Variants in CLUH observed in about 807,000 individuals in gnomAD.
CLUH encodes clustered mitochondria protein homolog.
In CLUH, 77 loss-of-function variants were observed where a neutral mutation model predicts 139.3. That is an observed-to-expected ratio of 0.55 (90% CI 0.46 to 0.67). The LOEUF is 0.67. Ranked by LOEUF, CLUH falls within the 30% of genes least tolerant of loss-of-function variation. The pLI is 0.00. For synonymous variants in CLUH, 999 were observed against 801.6 expected, an observed-to-expected ratio of 1.25 and a Z score of -4.16; for missense variants, 1,876 against 1,875.8, an observed-to-expected ratio of 1.00 and a Z score of 0.00.
intron 4 of CLUH, 58 bp downstream of exon 4, chr17:2,701,853 GCCC>G (rs2070194228): frequency 3.1e-6 from 5 of 1,603,942 alleles, no homozygotes; most frequent in Non-Finnish European, 1.7e-6. Flanking sequence ...CCCTTCTCCA[GCCC>G]CCCACCTCCG....
In CLUH at chr17:2,692,231, G is replaced by A. The variant is rs567220133; in HGVS notation, c.3560+130C>T. On this transcript the variant is annotated intron_variant, in intron 22 of 25. Transcript: ENST00000651024. ...AGGGGAACAGCAAGTCCAGGGCTCA[G>A]GGAAGAGGGGGAGGTCGAGAGAAAT... 314 of 1,438,800 alleles carry A rather than the reference G, an allele frequency of 2.2e-4. 1 individual carries two copies. The East Asian group carries it at 7.2e-3, about 33-fold the overall frequency. The allele number at this position is 1,438,800 out of a possible 1,614,324, so 89.1% of individuals were successfully genotyped here. A position where few individuals can be genotyped will look rare whatever the true frequency, so the allele number is the denominator to read the frequency against.
Position 2,698,016 on chromosome 17 carries a change from A to G in CLUH, c.1841T>C (p.Phe614Ser). The part of the protein sequence containing the change: ...LLRTFPPDLN[F>S]LPVPGEELPE... ...CAGCTCCTCGCCAGGCACGGGCAGG[A>G]AGTTGAGGTCCGGGGGGAAGGTGCG... Residue 614 changes from phenylalanine to serine, a missense_variant, in exon 10 of 26, where the codon TTC becomes TCC. By Grantham distance (155) the Phe-to-Ser change is radical. This residue lies in a region of CLUH where 1,454 missense variants were observed against 1,384.4 expected (regional missense o/e 1.05). Transcript: ENST00000651024. The G allele has an allele frequency of 6.2e-7, 1 of 1,603,084 alleles. No homozygotes were observed.
intron 11 of CLUH, 69 bp from the exon 12 acceptor site, chr17:2,696,607 T>C: frequency 6.5e-7 from 1 of 1,531,542 alleles, no homozygotes; most frequent in South Asian, 1.2e-5. Flanking sequence ...GCGCCAAGCC[T>C]CGCCCCCTAG....
At chr17:2,694,603 G>T in intron 16 of CLUH, 39 bp from the exon 17 acceptor site, 1 of 1,519,954 alleles carries the variant, frequency 6.6e-7, no homozygotes, top group Non-Finnish European at 8.9e-7. Context: ...CCCAAGCACC[G>T]CCGGGCCCCC....
Position 2,694,246 on chromosome 17 carries a change from G to A in CLUH, c.2968C>T (p.Arg990Cys), listed in dbSNP as rs779000573. 2.5e-6 allele frequency: 4 copies of A among 1,606,412 alleles called. No homozygotes were observed. The highest frequency in any genetic ancestry group is 3.4e-5 in the Admixed American group (2 of 59,414). The change falls in exon 18 of 26, where the codon CGC (arginine) becomes TGC (cysteine). Residue 990 changes from arginine (R) to cysteine (C), a missense_variant. Coordinates refer to ENST00000651024, the MANE Select transcript of CLUH (RefSeq NM_001366661.1). Reference sequence around the variant, plus strand: ...TCCTCGGTGAACGCGGGCTTGTGGCGACTGTCGAAGCTGTACTCCTTCAGC... The same window carrying A: ...TCCTCGGTGAACGCGGGCTTGTGGCAACTGTCGAAGCTGTACTCCTTCAGC... ...VLLKEYSFDS[R>C]HKPAFTEEDV... is the part of the protein sequence containing the mutation.
At position 2,698,029 on chromosome 17, in the gene CLUH, G is replaced by T; in HGVS notation, c.1828C>A (p.Pro610Thr). The change falls in exon 10 of 26, where the codon CCG becomes ACG. Residue 610 changes from proline (P) to threonine (T), a missense_variant. This residue lies in a region of CLUH where 1,454 missense variants were observed against 1,384.4 expected (regional missense o/e 1.05). Transcript: ENST00000651024. ...GGCACGGGCAGGAAGTTGAGGTCCG[G>T]GGGGAAGGTGCGCAGCAGGTCGAGG... ...YILDLLRTFP[P>T]DLNFLPVPGE... 6.2e-7 allele frequency: 1 copy of T among 1,605,346 alleles called. No homozygotes were observed. The highest frequency in any genetic ancestry group is 2.2e-5 in the East Asian group (1 of 44,762).
chr17:2,697,369 A>T (rs1282643653), intron 10 of CLUH, among the ~76,000 whole-genome samples: 1 of 151,534 alleles, frequency 6.6e-6, no homozygotes, highest in Non-Finnish European at 1.5e-5. Flanking sequence ...ATTGCACTCC[A>T]GCCTAGGCGA....
chr17:2,695,701 C>T, intron 13 of CLUH, 175 bp from the exon 14 acceptor site: 2 of 856,242 alleles, frequency 2.3e-6, no homozygotes, highest in Non-Finnish European at 3.5e-6. Flanking sequence ...GGCCAAGAAC[C>T]AAGAGCCCGG....
chr17:2,692,913 G>T, intron 19 of CLUH, 53 bp from the exon 20 acceptor site: 1 of 1,502,690 alleles, frequency 6.7e-7, no homozygotes. Context: ...ACTGCACCCA[G>T]AGCCCGCCTG....
In CLUH at chr17:2,695,480, G is replaced by T. The variant is rs374759051; in HGVS notation, c.2438C>A (p.Thr813Lys). The T allele has an allele frequency of 6.2e-7, 1 of 1,609,798 alleles. No homozygotes were observed. ...CCGCTGGCGCATCACCTCTGCCAGC[G>T]TTGCCCCGTCCACGGGCAGGACCGC... ...EHAVLPVDGA[T>K]LAEVMRQRGI... The change falls in exon 14 of 26, where the codon ACG (threonine) becomes AAG (lysine). Residue 813 changes from threonine (T) to lysine (K), a missense_variant. Physicochemically the swap from Thr to Lys is moderately conservative, Grantham distance 78. This residue lies in a region of CLUH where 1,454 missense variants were observed against 1,384.4 expected (regional missense o/e 1.05). Transcript: ENST00000651024.
Position 2,707,116 on chromosome 17 carries a change from A to G in CLUH, c.101-2552T>C. On this transcript the variant is annotated intron_variant, in intron 1 of 25. Transcript: ENST00000651024. This position sits in a 1 kb window ranked among gnomAD's most constrained non-coding sequence, Gnocchi z 7.4. ...CGAAGGTCTCCCCACCCCTGGATGAAGGCTGAGCGATCTCCCCCGCAGGCA... is the reference window on the plus strand; with the variant it reads ...CGAAGGTCTCCCCACCCCTGGATGAGGGCTGAGCGATCTCCCCCGCAGGCA... The G allele has an allele frequency of 1.1e-6, 1 of 947,690 alleles. No individual in the cohort carries two copies. The highest frequency in any genetic ancestry group is 1.3e-6 in the Non-Finnish European group (1 of 795,558). The allele number at this position is 947,690 out of a possible 1,614,324, so 58.7% of individuals were successfully genotyped here.
At chr17:2,695,686 G>T in intron 13 of CLUH, 160 bp from the exon 14 acceptor site, 1 of 1,007,116 alleles carries the variant, frequency 9.9e-7, no homozygotes, top group South Asian at 1.7e-5. Flanking sequence ...TCTGGCAGGA[G>T]CGCAGGCCAA....
rs1458366415 is a variant in CLUH at position 2,696,139 on chromosome 17, C to G, written c.2391+20G>C. On this transcript the variant is annotated intron_variant, in intron 13 of 25. Coordinates refer to ENST00000651024, the MANE Select transcript of CLUH (RefSeq NM_001366661.1). ...CACCCTCCACACAAGCCCCACCCAG[C>G]CCCGCAGCCCCTCCCTCACCAAGCC... 6 of 1,541,528 alleles carry G rather than the reference C, an allele frequency of 3.9e-6. No individual in the cohort carries two copies. The Admixed American group carries it at 1.2e-4, about 30-fold the overall frequency.
intron 1 of CLUH, among the ~76,000 whole-genome samples, chr17:2,705,723 G>T (rs2070331144): frequency 6.6e-6 from 1 of 152,036 alleles, no homozygotes; most frequent in Non-Finnish European, 1.5e-5. Context: ...TCTTGCCCAG[G>T]CTCAACAAAA....
rs1266854843 is a variant in CLUH at position 2,696,143 on chromosome 17, G to A, written c.2391+16C>T. On this transcript the variant is annotated intron_variant, in intron 13 of 25. Transcript: ENST00000651024. Reference sequence around the variant, plus strand: ...CTCCACACAAGCCCCACCCAGCCCCGCAGCCCCTCCCTCACCAAGCCAGGG... The same window carrying A: ...CTCCACACAAGCCCCACCCAGCCCCACAGCCCCTCCCTCACCAAGCCAGGG... 6.0e-6 allele frequency: 8 copies of A among 1,343,808 alleles called. No homozygotes were observed. The highest frequency in any genetic ancestry group is 5.9e-5 in the Admixed American group (3 of 50,786). The allele number at this position is 1,343,808 out of a possible 1,614,324, so 83.2% of individuals were successfully genotyped here.
In CLUH at chr17:2,692,759, C is replaced by G. The variant is rs201306902; in HGVS notation, c.3312+21G>C. The G allele has an allele frequency of 2.5e-4, 401 of 1,599,400 alleles. 3 individuals are homozygous for G. The East Asian group carries it at 8.8e-3, about 35-fold the overall frequency. On this transcript the variant is annotated intron_variant, in intron 20 of 25. Transcript: ENST00000651024. The stretch of plus-strand genomic sequence containing the variant: ...ACCCAGCCCCTCGCATCCCCCGGCG[C>G]GGGCGGCACTCGCGACTCACGTATT...
chr17:2,700,761 G>C lies in CLUH; in HGVS notation c.1090C>G (p.Gln364Glu), dbSNP rs1418288101. 4 of 1,545,264 alleles carry C rather than the reference G, an allele frequency of 2.6e-6. No individual in the cohort carries two copies. The East Asian group carries it at 9.0e-5, about 35-fold the overall frequency. Residue 364 changes from glutamine to glutamate, a missense_variant, in exon 8 of 26, where the codon CAG becomes GAG. Physicochemically the swap from Gln to Glu is conservative, Grantham distance 29. Coordinates refer to ENST00000651024, the MANE Select transcript of CLUH (RefSeq NM_001366661.1). Reference protein sequence around the residue: ...PFQVYSWTAPQAEHAMDCVRA... With the variant: ...PFQVYSWTAPEAEHAMDCVRA... Reference sequence around the variant, plus strand: ...ACGCAATCCATGGCATGCTCCGCCTGGGGGGCTGTCCAGCTGTACACCTGG... The same window carrying C: ...ACGCAATCCATGGCATGCTCCGCCTCGGGGGCTGTCCAGCTGTACACCTGG...
At position 2,698,309 on chromosome 17, in the gene CLUH, G is replaced by T; in HGVS notation, c.1548C>A (p.Arg516=). 6.2e-7 allele frequency: 1 copy of T among 1,612,714 alleles called. No homozygotes were observed. The highest frequency in any genetic ancestry group is 8.5e-7 in the Non-Finnish European group (1 of 1,179,638). The change falls in exon 10 of 26, where the codon CGC becomes CGA. Residue 516 remains arginine (R), a synonymous_variant. Transcript: ENST00000651024. ...YTLGTVVVDY[R]GYRVTAQSII... is the part of the protein sequence containing the mutation. ...TGGACTGGGCCGTGACCCGGTAGCC[G>T]CGGTAATCCACCACCACCGTGCCCA...
rs775090680 is a variant in CLUH, at chr17:2,692,101, C to A, written c.3561-4G>T. The stretch of plus-strand genomic sequence containing the variant: ...GACTCGGGCGACAAGGTGGTGGCTG[C>A]CGGGAGGCGCGGCGCGGGGCGAGGG... On this transcript the variant is annotated splice_polypyrimidine_tract_variant and splice_region_variant and intron_variant, in intron 22 of 25. Coordinates refer to ENST00000651024, the MANE Select transcript of CLUH (RefSeq NM_001366661.1). 4 of 1,597,882 alleles carry A rather than the reference C, an allele frequency of 2.5e-6. No homozygotes were observed. The African/African-American group carries it at 4.0e-5, about 16-fold the overall frequency.
Sources: gnomAD v4.1 joint callset for allele counts (sites outside exome capture counted in the v4.1 genomes callset) on GRCh38, gnomAD v4.1.1 for gene constraint, gnomAD v4.1.1 regional missense constraint, Gnocchi (gnomAD v3.1) non-coding constraint, MANE v1.5 for transcripts, NCBI Gene and HGNC (gene_info 2026-07-23, HGNC 2026-07-21) for gene names.